ELMO1: variants seen among roughly 807,000 people sequenced by gnomAD.
ELMO1 encodes engulfment and cell motility 1.
Under a neutral mutation model 98.9 loss-of-function variants are expected in ELMO1, and 26 were observed. The ratio of observed to expected loss-of-function variants is 0.26; its 90% CI spans 0.19 to 0.36. The LOEUF is 0.36. ELMO1 is among the 10% of genes least tolerant of loss of function. The pLI is 1.00. For synonymous variants in ELMO1, 346 were observed against 346.0 expected (o/e 1.00, Z 0.00); for missense variants, 627 against 935.2 (o/e 0.67, Z 4.30).
chr7:37,406,599 T>C (rs1803776097), intron 1 of ELMO1, among the ~76,000 whole-genome samples: 1 of 151,830 alleles, frequency 6.6e-6, no homozygotes, highest in Non-Finnish European at 1.5e-5. Context: ...CCGGATAATT[T>C]TTTTGTATTT....
chr7:37,053,285 A>AACACACAC (rs59573752), intron 15 of ELMO1, among the ~76,000 whole-genome samples: 3,531 of 138,788 alleles, frequency 0.025, 73 homozygotes, highest in African/African-American at 0.054. Context: ...CATTTGTTAA[A>AACACACAC]ACACACACAC....
intron 2 of ELMO1, among the ~76,000 whole-genome samples, chr7:37,331,658 C>G (rs79739682): frequency 0.062 from 9,408 of 152,126 alleles, 390 homozygotes; most frequent in Middle Eastern, 0.092. Context: ...CTCTCTCCTG[C>G]TCTGTGTACT....
intron 1 of ELMO1, among the ~76,000 whole-genome samples, chr7:37,406,866 A>G (rs55999311): frequency 0.18 from 27,524 of 152,182 alleles, 2,596 homozygotes; most frequent in Middle Eastern, 0.26. Flanking sequence ...AAATTAATAT[A>G]ACAGTAAGAT....
At chr7:37,359,961 T>G (rs1360504812) in intron 1 of ELMO1, among the ~76,000 whole-genome samples, 1 of 152,168 alleles carries the variant, frequency 6.6e-6, no homozygotes, top group Non-Finnish European at 1.5e-5. Flanking sequence ...GACTCCATTT[T>G]TGATGCTGTG....
rs78061633 is a variant in ELMO1 at position 36,977,136 on chromosome 7, A to C, written c.1437+36163T>G. Among the ~76,000 whole-genome samples the C allele has an allele frequency of 4.3e-3, 656 of 152,354 alleles. 11 individuals are homozygous for C. Among genetic ancestry groups the C allele is most frequent in the African/African-American group, 0.015 (626 of 41,572 alleles). On this transcript the variant is annotated intron_variant, in intron 16 of 21. Coordinates refer to ENST00000310758, the MANE Select transcript of ELMO1 (RefSeq NM_014800.11). ...TGTTAGGAAAAGGACAGAGACTGAG[A>C]ATTGGAGTCTCCCTGAGTCTGGCCC... is the stretch of plus-strand genomic sequence containing the variant.
chr7:36,936,724 G>A (rs1465866334), intron 16 of ELMO1, among the ~76,000 whole-genome samples: 1 of 152,164 alleles, frequency 6.6e-6, no homozygotes, highest in East Asian at 1.9e-4. Context: ...AAAGTGTTGA[G>A]ATTATAGGTG....
chr7:37,204,331 T>C (rs888308309), intron 13 of ELMO1: 1 of 424,540 alleles, frequency 2.4e-6, no homozygotes, highest in African/African-American at 2.0e-5. Flanking sequence ...GGTGGGTTCG[T>C]GGTCTCGCTG....
At chr7:37,078,570 C>T (rs1562986429) in intron 15 of ELMO1, among the ~76,000 whole-genome samples, 2 of 152,110 alleles carry the variant, frequency 1.3e-5, no homozygotes, top group Non-Finnish European at 1.5e-5. Context: ...CTGTGAAGTG[C>T]AAATGCTTCA....
At chr7:36,908,370 G>T (rs1449645065) in intron 16 of ELMO1, among the ~76,000 whole-genome samples, 1 of 152,052 alleles carries the variant, frequency 6.6e-6, no homozygotes, top group Admixed American at 6.5e-5. Flanking sequence ...CAATGTCTAA[G>T]GAACTTTCTT....
At chr7:36,952,319 G>A (rs1440734563) in intron 16 of ELMO1, among the ~76,000 whole-genome samples, 4 of 152,176 alleles carry the variant, frequency 2.6e-5, no homozygotes, top group Non-Finnish European at 5.9e-5. Context: ...GTACCCAGGG[G>A]CCAAACACAG....
At chr7:36,993,320 C>G (rs889251600) in intron 16 of ELMO1, among the ~76,000 whole-genome samples, 2 of 152,142 alleles carry the variant, frequency 1.3e-5, no homozygotes, top group African/African-American at 4.8e-5. Context: ...AGTAAGTTGG[C>G]TTTATCAGAA....
At chr7:37,270,160 T>C (rs1423713200) in intron 5 of ELMO1, 1 of 152,180 alleles carries the variant, frequency 6.6e-6, no homozygotes, top group Non-Finnish European at 1.5e-5. Flanking sequence ...CAAATTAACA[T>C]TCATTCATGC....
chr7:37,255,714 G>A (rs1419787899), intron 6 of ELMO1, among the ~76,000 whole-genome samples: 2 of 152,100 alleles, frequency 1.3e-5, no homozygotes, highest in Admixed American at 6.5e-5. Flanking sequence ...CTCAAGCCCT[G>A]GATACCTAGG....
At chr7:37,197,718 C>A (rs993140295) in intron 13 of ELMO1, among the ~76,000 whole-genome samples, 1 of 152,180 alleles carries the variant, frequency 6.6e-6, no homozygotes, top group African/African-American at 2.4e-5. Flanking sequence ...GCCTGCACCC[C>A]AGAATAACCA....
intron 16 of ELMO1, among the ~76,000 whole-genome samples, chr7:36,998,545 G>A (rs1792391184): frequency 6.6e-6 from 1 of 151,848 alleles, no homozygotes. Flanking sequence ...ATATATGTCT[G>A]TATCTATATC....
At chr7:37,191,341 C>A (rs1278339594) in intron 13 of ELMO1, among the ~76,000 whole-genome samples, 1 of 151,296 alleles carries the variant, frequency 6.6e-6, no homozygotes, top group East Asian at 1.9e-4. Context: ...CTGTGGTAAG[C>A]CCAACTAAAT....
At chr7:37,232,126 C>T (rs1408646672) in intron 8 of ELMO1, among the ~76,000 whole-genome samples, 1 of 152,154 alleles carries the variant, frequency 6.6e-6, no homozygotes, top group African/African-American at 2.4e-5. Context: ...GTCCAATTTG[C>T]TGCAACTTTT....
intron 15 of ELMO1, among the ~76,000 whole-genome samples, chr7:37,050,382 G>A (rs997068348): frequency 6.6e-6 from 1 of 152,104 alleles, no homozygotes; most frequent in Non-Finnish European, 1.5e-5. Context: ...TTATAGGCGT[G>A]AGCCACCATG....
At chr7:37,311,540 G>C (rs1333892311) in intron 4 of ELMO1, among the ~76,000 whole-genome samples, 1 of 152,044 alleles carries the variant, frequency 6.6e-6, no homozygotes, top group Non-Finnish European at 1.5e-5. Context: ...TTTTTAAAAT[G>C]GGAAAAAATG....
Sources: allele counts gnomAD v4.1 joint callset (sites outside exome capture counted in the v4.1 genomes callset), GRCh38; gene constraint gnomAD v4.1.1; transcripts MANE v1.5; gene names NCBI Gene and HGNC (gene_info 2026-07-23, HGNC 2026-07-21).